STK40: variants seen among roughly 807,000 people sequenced by gnomAD.
STK40 encodes serine/threonine kinase 40.
STK40 carries 13 observed loss-of-function variants against 47.9 expected under a neutral mutation model. The ratio of observed to expected loss-of-function variants is 0.27; its 90% CI spans 0.18 to 0.43. STK40 has a LOEUF of 0.43. STK40 is among the 20% of genes least tolerant of loss of function. The probability of loss-of-function intolerance (pLI) is 1.00; values close to 1 mark genes in which losing one functional copy is unlikely to be tolerated. For missense variants in STK40, 460 were observed against 595.1 expected (o/e 0.77, Z 2.36); for synonymous variants, 225 against 243.2 (o/e 0.93, Z 0.69).
intron 1 of STK40, among the ~76,000 whole-genome samples, chr1:36,373,398 G>A (rs900482900): frequency 1.3e-5 from 2 of 152,140 alleles, no homozygotes; most frequent in African/African-American, 4.8e-5. Context: ...ACTTTCTGAT[G>A]TGGATTCTCC....
intron 6 of STK40, among the ~76,000 whole-genome samples, chr1:36,351,789 C>T (rs1296895057): frequency 6.6e-6 from 1 of 152,160 alleles, no homozygotes; most frequent in African/African-American, 2.4e-5. Flanking sequence ...CCCCCAGTGA[C>T]ACAAAGGGCC....
chr1:36,358,423 T>C (rs777827354), intron 3 of STK40, 41 bp from the exon 4 acceptor site: 35 of 1,570,718 alleles, frequency 2.2e-5, no homozygotes, highest in Non-Finnish European at 2.7e-5. Context: ...CCAGAACACC[T>C]CACTTTACAC....
chr1:36,379,854 G>A (rs550929167), intron 1 of STK40, among the ~76,000 whole-genome samples: 1 of 152,286 alleles, frequency 6.6e-6, no homozygotes, highest in Non-Finnish European at 1.5e-5. Context: ...CTTTGAGGCA[G>A]CAATTCACTT....
chr1:36,355,416 G>C lies in STK40; in HGVS notation c.360C>G (p.Ile120Met). Residue 120 changes from isoleucine (I) to methionine (M), a missense_variant, in exon 5 of 11, where the codon ATC becomes ATG. Physicochemically the swap from Ile to Met is conservative, Grantham distance 10. Around this residue, in one of 3 missense-constraint regions of STK40, gnomAD observed 277 missense variants for 358.7 expected, o/e 0.77. Transcript: ENST00000373132. The stretch of plus-strand genomic sequence containing the variant: ...TCCGGCTGGATTCTGTGTCCTCAAC[G>C]ATTTCACAGGTGCGGTCCTGGGAGG... ...HGLFQDRTCE[I>M]VEDTESSRMV... is the part of the protein sequence containing the mutation. The C allele has an allele frequency of 1.9e-6, 3 of 1,614,166 alleles. No individual in the cohort carries two copies. The highest frequency in any genetic ancestry group is 1.7e-6 in the Non-Finnish European group (2 of 1,180,026).
chr1:36,355,075 C>G (rs1484203154), intron 5 of STK40, 131 bp downstream of exon 5: 1 of 928,312 alleles, frequency 1.1e-6, no homozygotes, highest in Non-Finnish European at 1.7e-6. Flanking sequence ...GCCATTCAGT[C>G]ACTCTTCTTT....
chr1:36,384,940 G>A (rs1344470741), intron 1 of STK40, among the ~76,000 whole-genome samples: 2 of 152,186 alleles, frequency 1.3e-5, no homozygotes, highest in African/African-American at 4.8e-5. Context: ...AAAGCCAACC[G>A]GTTTCCTCCA....
At chr1:36,364,102 G>A (rs1310385259) in intron 1 of STK40, among the ~76,000 whole-genome samples, 1 of 152,120 alleles carries the variant, frequency 6.6e-6, no homozygotes, top group Non-Finnish European at 1.5e-5. Context: ...AGTGAGCTGA[G>A]ATCGCACCAC....
In STK40 at chr1:36,355,356, G is replaced by C. The variant is rs1413242722; in HGVS notation, c.420C>G (p.Val140=). 7 of 1,614,080 alleles carry C rather than the reference G, an allele frequency of 4.3e-6. No homozygotes were observed. In the African/African-American group the frequency reaches 8.0e-5, roughly 18 times the overall value. ...AGTCATGAGCACAGAGGCAGTCCAG[G>C]ACGAGGCAGATGCGCTTCTTCATCT... ...VKKMKKRICL[V]LDCLCAHDFS... Residue 140 remains valine (V), a synonymous_variant, in exon 5 of 11, where the codon GTC becomes GTG. Transcript: ENST00000373132.
At position 36,345,991 on chromosome 1, in the gene STK40, A is replaced by ATATATTT; in HGVS notation, c.740-1728_740-1727insAAATATA. On this transcript the variant is annotated intron_variant, in intron 7 of 10. Coordinates refer to ENST00000373132, the MANE Select transcript of STK40 (RefSeq NM_001282547.2). ...TACATATATATATATATATATATAT[A>ATATATTT]TTTTTTTTTTTTTTTTTTCCTGAGA... 6.8e-4 allele frequency among the ~76,000 whole-genome samples: 18 copies of ATATATTT among 26,460 alleles called. 1 individual carries two copies. The highest frequency in any genetic ancestry group is 7.0e-4 in the African/African-American group (5 of 7,140). The allele number at this position is 26,460 out of a possible 152,430, so 17.4% of individuals were successfully genotyped here. A position where few individuals can be genotyped will look rare whatever the true frequency, so the allele number is the denominator to read the frequency against.
intron 1 of STK40, among the ~76,000 whole-genome samples, chr1:36,365,236 C>T (rs1334988904): frequency 1.3e-5 from 2 of 152,160 alleles, no homozygotes; most frequent in Non-Finnish European, 2.9e-5. Flanking sequence ...GCGATACGCC[C>T]GCCTCGGCCT....
At chr1:36,352,449 T>A (rs1646767108) in intron 6 of STK40, among the ~76,000 whole-genome samples, 1 of 152,052 alleles carries the variant, frequency 6.6e-6, no homozygotes, top group East Asian at 1.9e-4. Context: ...GGTACCTCAA[T>A]ATATGAATTC....
intron 6 of STK40, among the ~76,000 whole-genome samples, chr1:36,351,791 C>T (rs1646761465): frequency 6.6e-6 from 1 of 152,170 alleles, no homozygotes; most frequent in Non-Finnish European, 1.5e-5. Flanking sequence ...CCCAGTGACA[C>T]AAAGGGCCAG....
chr1:36,350,189 C>G (rs1646738651), intron 6 of STK40, among the ~76,000 whole-genome samples: 1 of 152,238 alleles, frequency 6.6e-6, no homozygotes. Context: ...TGACTGGTGG[C>G]CCGCAGGCGG....
At chr1:36,360,472 C>T (rs1256775191) in intron 2 of STK40, among the ~76,000 whole-genome samples, 1 of 152,108 alleles carries the variant, frequency 6.6e-6, no homozygotes, top group Non-Finnish European at 1.5e-5. Context: ...CCAAGAATGG[C>T]ATAAAGCAGT....
Position 36,356,431 on chromosome 1 carries a change from T to C in STK40, c.343-998A>G, listed in dbSNP as rs1200283292. Among the ~76,000 whole-genome samples, 275 of 144,490 alleles carry C rather than the reference T, an allele frequency of 1.9e-3. 1 individual carries two copies. The highest frequency in any genetic ancestry group is 6.8e-3 in the African/African-American group (266 of 39,182). The allele number at this position is 144,490 out of a possible 152,430, so 94.8% of individuals were successfully genotyped here. A position where few individuals can be genotyped will look rare whatever the true frequency, so the allele number is the denominator to read the frequency against. ...TTTCTTCTTTTTCTTTTTTTTTTTTTTTTTTTTTTTGTGAGACGGAGTCTC... is the reference window on the plus strand; with the variant it reads ...TTTCTTCTTTTTCTTTTTTTTTTTTCTTTTTTTTTTGTGAGACGGAGTCTC... On this transcript the variant is annotated intron_variant, in intron 4 of 10. Coordinates refer to ENST00000373132, the MANE Select transcript of STK40 (RefSeq NM_001282547.2).
At chr1:36,367,750 G>T in intron 1 of STK40, 2 of 939,812 alleles carry the variant, frequency 2.1e-6, no homozygotes, top group Non-Finnish European at 2.5e-6. Flanking sequence ...AACTACAAAG[G>T]AGCTGAAGCC....
chr1:36,379,609 T>C (rs945240492), intron 1 of STK40, among the ~76,000 whole-genome samples: 26 of 152,066 alleles, frequency 1.7e-4, no homozygotes, highest in African/African-American at 6.3e-4. Flanking sequence ...CTTGATCTCC[T>C]GACCTCGTGA....
intron 1 of STK40, among the ~76,000 whole-genome samples, chr1:36,384,695 GAAAT>G (rs2124757108): frequency 6.6e-6 from 1 of 152,326 alleles, no homozygotes; most frequent in Non-Finnish European, 1.5e-5. Flanking sequence ...GGTCATGTGA[GAAAT>G]GAATGAATGA....
intron 1 of STK40, among the ~76,000 whole-genome samples, chr1:36,378,545 G>T (rs1023216218): frequency 3.3e-5 from 5 of 151,466 alleles, no homozygotes; most frequent in Non-Finnish European, 5.9e-5. Flanking sequence ...TGCAACCTCC[G>T]CCTCCTGGGT....
Sources: gnomAD v4.1 joint callset for allele counts (sites outside exome capture counted in the v4.1 genomes callset) on GRCh38, gnomAD v4.1.1 for gene constraint, gnomAD v4.1.1 regional missense constraint, MANE v1.5 for transcripts, NCBI Gene and HGNC (gene_info 2026-07-23, HGNC 2026-07-21) for gene names.